PXDN: variants seen among roughly 807,000 people sequenced by gnomAD.
PXDN encodes peroxidasin, also known as peroxidasin homolog.
Under a neutral mutation model 140.3 loss-of-function variants are expected in PXDN, and 77 were observed. The observed-to-expected ratio is 0.55, with a 90% confidence interval of 0.46 to 0.66. PXDN has a LOEUF of 0.66. PXDN is among the 30% of genes least tolerant of loss of function. The pLI is 0.00. For missense variants in PXDN, 1,838 were observed against 2,039.5 expected, an observed-to-expected ratio of 0.90 and a Z score of 1.90; for synonymous variants, 911 against 857.4, an observed-to-expected ratio of 1.06 and a Z score of -1.09.
intron 1 of PXDN, among the ~76,000 whole-genome samples, chr2:1,722,315 C>T (rs889949648): frequency 1.2e-4 from 19 of 152,200 alleles, no homozygotes; most frequent in African/African-American, 2.9e-4. Context: ...GTGATGCTGA[C>T]GCAGTCTCCT....
At position 1,680,296 on chromosome 2, in the gene PXDN, G is replaced by A; in HGVS notation, c.627C>T (p.Thr209=). ...EILWLADLLK[T]YAESGNAQAA... ...CCTGCGCGTTCCCCGACTCCGCGTAGGTTTTCAGCAAATCCGCCAACCACA... is the reference window on the plus strand; with the variant it reads ...CCTGCGCGTTCCCCGACTCCGCGTAAGTTTTCAGCAAATCCGCCAACCACA... Residue 209 remains threonine, a synonymous_variant, in exon 7 of 23, where the codon ACC becomes ACT. Transcript: ENST00000252804. 2 of 1,614,046 alleles carry A rather than the reference G, an allele frequency of 1.2e-6. No individual in the cohort carries two copies. The highest frequency in any genetic ancestry group is 1.7e-6 in the Non-Finnish European group (2 of 1,179,902).
chr2:1,670,214 T>C (rs967079083), intron 9 of PXDN, among the ~76,000 whole-genome samples: 1 of 152,102 alleles, frequency 6.6e-6, no homozygotes, highest in Non-Finnish European at 1.5e-5. Context: ...AGCTAAAGAT[T>C]TGGAAAAAAA....
At chr2:1,711,725 C>A (rs1684792156) in intron 1 of PXDN, among the ~76,000 whole-genome samples, 1 of 152,230 alleles carries the variant, frequency 6.6e-6, no homozygotes, top group Non-Finnish European at 1.5e-5. Flanking sequence ...GCAGGATCCA[C>A]TGGGGGAAGG....
At chr2:1,711,632 G>GCTCCACCAGCACCCA (rs1238321299) in intron 1 of PXDN, among the ~76,000 whole-genome samples, 4 of 52,898 alleles carry the variant, frequency 7.6e-5, no homozygotes, top group African/African-American at 1.1e-4. Flanking sequence ...ACCAGCACCC[G>GCTCCACCAGCACCCA]CTCCACCAGC....
At chr2:1,710,110 C>A (rs1684716428) in intron 1 of PXDN, among the ~76,000 whole-genome samples, 1 of 152,162 alleles carries the variant, frequency 6.6e-6, no homozygotes, top group African/African-American at 2.4e-5. Context: ...TTATAAATAG[C>A]CCTGCAATGA....
chr2:1,734,588 G>A (rs1343692269), intron 1 of PXDN, among the ~76,000 whole-genome samples: 1 of 152,168 alleles, frequency 6.6e-6, no homozygotes, highest in East Asian at 1.9e-4. Flanking sequence ...AAGTCAATCG[G>A]CCAGGCATGG....
chr2:1,732,797 T>G (rs1178835776), intron 1 of PXDN, among the ~76,000 whole-genome samples: 1 of 152,210 alleles, frequency 6.6e-6, no homozygotes, highest in Non-Finnish European at 1.5e-5. Flanking sequence ...AAGATTAAAT[T>G]ATTCAATTAA....
At chr2:1,703,464 GACAACTCCA>G (rs1684497321) in intron 1 of PXDN, among the ~76,000 whole-genome samples, 1 of 36,294 alleles carries the variant, frequency 2.8e-5, no homozygotes, top group African/African-American at 1.2e-4. Flanking sequence ...GTGAAGGAGA[GACAACTCCA>G]GGTGAAGGGG....
intron 1 of PXDN, among the ~76,000 whole-genome samples, chr2:1,715,748 G>A (rs1226425527): frequency 6.6e-6 from 1 of 152,172 alleles, no homozygotes; most frequent in Non-Finnish European, 1.5e-5. Flanking sequence ...CAGAGCGGCA[G>A]GTAACTCATG....
Position 1,639,406 on chromosome 2 carries a change from C to T in PXDN, c.3969G>A (p.Gly1323=). The T allele has an allele frequency of 6.2e-7, 1 of 1,613,946 alleles. No homozygotes were observed. The highest frequency in any genetic ancestry group is 8.5e-7 in the Non-Finnish European group (1 of 1,179,848). ...QDCCEDCRTR[G]QFNAFSYHFR... Reference sequence around the variant, plus strand: ...AATGATAGGAAAAGGCATTGAACTGCCCCCTGGTCCTACAGTCTAAAATGG... The same window carrying T: ...AATGATAGGAAAAGGCATTGAACTGTCCCCTGGTCCTACAGTCTAAAATGG... Residue 1323 remains glycine, a synonymous_variant, in exon 20 of 23, where the codon GGG becomes GGA. Coordinates refer to ENST00000252804, the MANE Select transcript of PXDN (RefSeq NM_012293.3). This position sits in a 1 kb window ranked among gnomAD's most constrained non-coding sequence, Gnocchi z 5.0.
intron 8 of PXDN, among the ~76,000 whole-genome samples, chr2:1,674,461 G>A (rs561600368): frequency 1.4e-4 from 22 of 152,206 alleles, no homozygotes; most frequent in Non-Finnish European, 2.4e-4. Context: ...CCACGAAGAG[G>A]CCAGGACACA....
chr2:1,663,409 C>A (rs186149947), intron 12 of PXDN, among the ~76,000 whole-genome samples, 196 bp downstream of exon 12: 1 of 152,268 alleles, frequency 6.6e-6, no homozygotes, highest in Non-Finnish European at 1.5e-5. Context: ...TGTTTTCACC[C>A]GCTAAAGGGA....
chr2:1,741,436 C>T (rs911437658), intron 1 of PXDN, among the ~76,000 whole-genome samples: 2 of 152,158 alleles, frequency 1.3e-5, no homozygotes, highest in East Asian at 1.9e-4. Context: ...AGGGCGCGGG[C>T]TCCTGCCATT....
chr2:1,658,224 T>C (rs1025366121), intron 14 of PXDN, among the ~76,000 whole-genome samples: 1 of 151,516 alleles, frequency 6.6e-6, no homozygotes. Flanking sequence ...CCCTGTGTGG[T>C]TCCACTTCAC....
intron 1 of PXDN, among the ~76,000 whole-genome samples, chr2:1,713,763 A>C (rs553864619): frequency 2.2e-4 from 33 of 152,322 alleles, no homozygotes; most frequent in African/African-American, 7.2e-4. Flanking sequence ...GGCCCCTGAG[A>C]GGTAAGAGGT....
chr2:1,719,729 G>C (rs1467804592), intron 1 of PXDN, among the ~76,000 whole-genome samples: 1 of 152,204 alleles, frequency 6.6e-6, no homozygotes, highest in Non-Finnish European at 1.5e-5. Flanking sequence ...GTTCCAACCA[G>C]CTGCGGTCCA....
intron 14 of PXDN, among the ~76,000 whole-genome samples, chr2:1,655,905 C>T (rs1289539577): frequency 6.6e-6 from 1 of 151,886 alleles, no homozygotes; most frequent in East Asian, 1.9e-4. Flanking sequence ...ACACACGACA[C>T]ACACATCACA....
Position 1,639,281 on chromosome 2 carries a change from T to C in PXDN, c.4073+21A>G. On this transcript the variant is annotated intron_variant, in intron 20 of 22. Coordinates refer to ENST00000252804, the MANE Select transcript of PXDN (RefSeq NM_012293.3). The surrounding 1 kb of genome is among the most constrained non-coding windows in gnomAD (Gnocchi z 5.0). The stretch of plus-strand genomic sequence containing the variant: ...TGCGAGGGCCCCTCTGCACATCATT[T>C]GACCTCAGAGACCACCATACCTGGG... The C allele has an allele frequency of 6.2e-7, 1 of 1,605,406 alleles. No individual in the cohort carries two copies. The highest frequency in any genetic ancestry group is 8.5e-7 in the Non-Finnish European group (1 of 1,175,586).
intron 1 of PXDN, among the ~76,000 whole-genome samples, chr2:1,730,523 G>A (rs766036343): frequency 1.3e-5 from 2 of 152,158 alleles, no homozygotes; most frequent in Non-Finnish European, 2.9e-5. Flanking sequence ...AAGAGCCGGG[G>A]CTCCTTGGCT....
Sources: gnomAD v4.1 joint callset for allele counts (sites outside exome capture counted in the v4.1 genomes callset) on GRCh38, gnomAD v4.1.1 for gene constraint, Gnocchi (gnomAD v3.1) non-coding constraint, MANE v1.5 for transcripts, NCBI Gene and HGNC (gene_info 2026-07-23, HGNC 2026-07-21) for gene names.